Variants in PDZD2 observed in about 807,000 individuals in gnomAD.
The protein encoded by PDZD2 is PDZ domain-containing protein 2.
Under a neutral mutation model 220.7 loss-of-function variants are expected in PDZD2, and 90 were observed. That is an observed-to-expected ratio of 0.41 (90% CI 0.34 to 0.49). The LOEUF (loss-of-function observed/expected upper bound fraction) is 0.49, where lower values mean the gene tolerates loss of function less well. Ranked by LOEUF, PDZD2 falls within the 20% of genes least tolerant of loss-of-function variation. PDZD2 has a pLI of 0.28. For synonymous variants in PDZD2, 1,375 were observed against 1,450.5 expected, an observed-to-expected ratio of 0.95 and a Z score of 1.18; for missense variants, 3,174 against 3,608.5, an observed-to-expected ratio of 0.88 and a Z score of 3.08.
Position 32,089,479 on chromosome 5 carries a change from A to G in PDZD2, c.6031A>G (p.Arg2011Gly), listed in dbSNP as rs1742861723. The change falls in exon 20 of 25, where the codon AGA becomes GGA. Residue 2011 changes from arginine (R) to glycine (G), a missense_variant. Physicochemically the swap from Arg to Gly is moderately radical, Grantham distance 125. Around this residue, in one of 4 missense-constraint regions of PDZD2, gnomAD observed 1,861 missense variants for 2,001.0 expected, o/e 0.93. Transcript: ENST00000438447. ...CATGGCTGTCCTCTCTGAACCCGAC[A>G]GAGGTTGCCCAACCACCCCTAAATC... ...FHMAVLSEPDRGCPTTPKSPK... is the reference protein window; with the variant it reads ...FHMAVLSEPDGGCPTTPKSPK... 6.2e-7 allele frequency: 1 copy of G among 1,613,524 alleles called. No individual in the cohort carries two copies. Among genetic ancestry groups the G allele is most frequent in the African/African-American group, 1.3e-5 (1 of 74,930 alleles).
intron 1 of PDZD2, among the ~76,000 whole-genome samples, chr5:31,721,495 C>T (rs935992203): frequency 6.9e-6 from 1 of 145,690 alleles, no homozygotes; most frequent in African/African-American, 2.6e-5. Context: ...AAATGCAAAG[C>T]CTGACACCAA....
chr5:31,708,876 GTT>G (rs760638995), intron 1 of PDZD2, among the ~76,000 whole-genome samples: 6 of 148,726 alleles, frequency 4.0e-5, no homozygotes, highest in South Asian at 2.1e-4. Context: ...CAGCAAATGT[GTT>G]TTGTTTTTTT....
At chr5:31,737,146 G>A (rs1580654106) in intron 1 of PDZD2, among the ~76,000 whole-genome samples, 1 of 150,600 alleles carries the variant, frequency 6.6e-6, no homozygotes, top group Non-Finnish European at 1.5e-5. Flanking sequence ...CCATTTTATG[G>A]AATGTCAGAG....
Position 31,860,798 on chromosome 5 carries a change from T to G in PDZD2, c.476+61074T>G, listed in dbSNP as rs557626745. 2.6e-5 allele frequency among the ~76,000 whole-genome samples: 4 copies of G among 152,352 alleles called. No homozygotes were observed. In the East Asian group the frequency reaches 7.7e-4, roughly 29 times the overall value. ...GGGCAGAAGGCATTTCTGAACATAT[T>G]TGATGCTATGACTTATCAGGGTTCT... is the stretch of plus-strand genomic sequence containing the variant. On this transcript the variant is annotated intron_variant, in intron 2 of 24. Coordinates refer to ENST00000438447, the MANE Select transcript of PDZD2 (RefSeq NM_178140.4).
intron 2 of PDZD2, among the ~76,000 whole-genome samples, chr5:31,962,564 C>T (rs1229749465): frequency 6.6e-6 from 1 of 152,146 alleles, no homozygotes; most frequent in East Asian, 1.9e-4. Flanking sequence ...CTGGGCCTCC[C>T]CTGGAACCTA....
At chr5:32,034,354 ATTTTTTT>A (rs753294040) in intron 6 of PDZD2, among the ~76,000 whole-genome samples, 12 of 131,640 alleles carry the variant, frequency 9.1e-5, no homozygotes, top group Non-Finnish European at 1.3e-4. Context: ...GGAACCAGGA[ATTTTTTT>A]TTTTTTTTTT....
chr5:31,774,588 C>T (rs753951282), intron 1 of PDZD2, among the ~76,000 whole-genome samples: 2 of 151,624 alleles, frequency 1.3e-5, no homozygotes, highest in Non-Finnish European at 2.9e-5. Flanking sequence ...TGGTGGTGCA[C>T]GCCTGTAATC....
intron 7 of PDZD2, among the ~76,000 whole-genome samples, chr5:32,038,833 A>T (rs1408783087): frequency 6.6e-6 from 1 of 152,162 alleles, no homozygotes; most frequent in Non-Finnish European, 1.5e-5. Context: ...TAGGCTAATG[A>T]TTTAATCTCC....
At chr5:31,976,435 G>A (rs1212917757) in intron 2 of PDZD2, among the ~76,000 whole-genome samples, 1 of 152,196 alleles carries the variant, frequency 6.6e-6, no homozygotes, top group Non-Finnish European at 1.5e-5. Flanking sequence ...CGTCCATCCT[G>A]TGTGTCCAAC....
intron 1 of PDZD2, among the ~76,000 whole-genome samples, chr5:31,672,771 G>A (rs1167202086): frequency 1.3e-5 from 2 of 152,162 alleles, no homozygotes; most frequent in Non-Finnish European, 2.9e-5. Context: ...TTGTCTCTGT[G>A]CAGTAGGGTG....
intron 2 of PDZD2, among the ~76,000 whole-genome samples, chr5:31,960,223 C>A (rs1244477747): frequency 6.7e-6 from 1 of 149,168 alleles, no homozygotes; most frequent in Admixed American, 6.7e-5. Flanking sequence ...TCTTTCCTTC[C>A]TTCTTTCTTT....
intron 2 of PDZD2, among the ~76,000 whole-genome samples, chr5:31,888,130 T>C (rs1488688285): frequency 6.6e-6 from 1 of 152,050 alleles, no homozygotes; most frequent in Non-Finnish European, 1.5e-5. Context: ...CTTTCTTGTT[T>C]TGTTTCCTTT....
intron 2 of PDZD2, among the ~76,000 whole-genome samples, chr5:31,961,353 G>T (rs116429290): frequency 8.3e-6 from 1 of 120,710 alleles, no homozygotes; most frequent in Non-Finnish European, 1.6e-5. Flanking sequence ...GAAACATGGC[G>T]AAACTCCGTC....
At chr5:32,036,540 C>T (rs998996944) in intron 6 of PDZD2, among the ~76,000 whole-genome samples, 1 of 152,032 alleles carries the variant, frequency 6.6e-6, no homozygotes, top group Non-Finnish European at 1.5e-5. Context: ...GGATGGAGGA[C>T]CCAGTGAGCC....
intron 2 of PDZD2, among the ~76,000 whole-genome samples, chr5:31,815,130 A>G (rs1197235260): frequency 6.6e-6 from 1 of 151,464 alleles, no homozygotes; most frequent in African/African-American, 2.4e-5. Flanking sequence ...CTATAATCCC[A>G]GCTACTCAGG....
intron 2 of PDZD2, among the ~76,000 whole-genome samples, chr5:31,942,792 A>G (rs1169966887): frequency 2.6e-5 from 4 of 152,238 alleles, no homozygotes. Flanking sequence ...CCAGTGTCAG[A>G]TGAACTCCCC....
At chr5:31,755,958 G>T (rs1751283683) in intron 1 of PDZD2, among the ~76,000 whole-genome samples, 2 of 152,082 alleles carry the variant, frequency 1.3e-5, no homozygotes, top group African/African-American at 4.8e-5. Flanking sequence ...TAGTGTTATT[G>T]GGTCTCGGTA....
chr5:32,095,639 T>G lies in PDZD2; in HGVS notation c.7846-1640T>G, dbSNP rs1028460756. 2.0e-5 allele frequency among the ~76,000 whole-genome samples: 3 copies of G among 149,026 alleles called. No individual in the cohort carries two copies. In the East Asian group the frequency reaches 5.9e-4, roughly 29 times the overall value. ...TCAGCTTCTAGCATATCTGTGTCCT[T>G]AAACACCACTGGAAAAAAATGTGAA... On this transcript the variant is annotated intron_variant, in intron 21 of 24. Coordinates refer to ENST00000438447, the MANE Select transcript of PDZD2 (RefSeq NM_178140.4).
chr5:32,069,263 CAAAAA>C (rs11361686), intron 14 of PDZD2, among the ~76,000 whole-genome samples: 2 of 99,360 alleles, frequency 2.0e-5, no homozygotes, highest in African/African-American at 3.5e-5. Flanking sequence ...GACTCTGTCT[CAAAAA>C]AAAAAAAAAA....
Sources: gnomAD v4.1 joint callset for allele counts (sites outside exome capture counted in the v4.1 genomes callset) on GRCh38, gnomAD v4.1.1 for gene constraint, gnomAD v4.1.1 regional missense constraint, MANE v1.5 for transcripts, NCBI Gene and HGNC (gene_info 2026-07-23, HGNC 2026-07-21) for gene names.